Variants in PDE10A observed in about 807,000 individuals in gnomAD.
PDE10A encodes phosphodiesterase 10A, also known as cAMP and cAMP-inhibited cGMP 3',5'-cyclic phosphodiesterase 10A.
In PDE10A, 39 loss-of-function variants were observed where a neutral mutation model predicts 97.7. The ratio of observed to expected loss-of-function variants is 0.40; its 90% CI spans 0.31 to 0.52. The LOEUF (loss-of-function observed/expected upper bound fraction) is 0.52, where lower values mean the gene tolerates loss of function less well. Among genes scored for constraint, PDE10A ranks in the 20% least tolerant of loss-of-function variants. The pLI is 0.56. For missense variants in PDE10A, 731 were observed against 1,047.8 expected, an observed-to-expected ratio of 0.70 and a Z score of 4.17; for synonymous variants, 371 against 376.8, an observed-to-expected ratio of 0.98 and a Z score of 0.18.
chr6:165,874,350 TG>T (rs1781279157), intron 1 of PDE10A, among the ~76,000 whole-genome samples: 1 of 147,704 alleles, frequency 6.8e-6, no homozygotes, highest in Admixed American at 6.9e-5. Flanking sequence ...ACTCATATGG[TG>T]GAAGAGAACT....
At chr6:165,841,914 A>T (rs976062180) in intron 1 of PDE10A, among the ~76,000 whole-genome samples, 1 of 152,146 alleles carries the variant, frequency 6.6e-6, no homozygotes, top group Non-Finnish European at 1.5e-5. Flanking sequence ...TTTCATTTTT[A>T]TTGTGATTTT....
In PDE10A at chr6:165,872,718, C is replaced by T. The variant is rs955313703; in HGVS notation, c.-615+114811G>A. Among the ~76,000 whole-genome samples, 3 of 152,002 alleles carry T rather than the reference C, an allele frequency of 2.0e-5. No homozygotes were observed. In the South Asian group the frequency reaches 6.2e-4, roughly 32 times the overall value. On this transcript the variant is annotated intron_variant, in intron 1 of 19. Coordinates refer to the PDE10A transcript ENST00000366882. ...GCACTTTATTTCATATGGAAGATTTCACTAGGAAAGTGATGAGTGCAACTG... is the reference window on the plus strand; with the variant it reads ...GCACTTTATTTCATATGGAAGATTTTACTAGGAAAGTGATGAGTGCAACTG...
At chr6:165,943,234 AGAAGGAAGGAAGGAAG>A (rs1192602938) in intron 1 of PDE10A, among the ~76,000 whole-genome samples, 3 of 34,036 alleles carry the variant, frequency 8.8e-5, no homozygotes, top group African/African-American at 1.3e-4. Context: ...AAAGAAAGAA[AGAAGGAAGGAAGGAAG>A]GAAGGAAGGA....
intron 1 of PDE10A, among the ~76,000 whole-genome samples, chr6:165,913,185 T>C (rs1409242891): frequency 6.6e-6 from 1 of 152,114 alleles, no homozygotes; most frequent in African/African-American, 2.4e-5. Flanking sequence ...CATTTCATTA[T>C]GTATATGCAA....
intron 1 of PDE10A, among the ~76,000 whole-genome samples, chr6:165,796,229 G>C (rs560463338): frequency 1.3e-5 from 2 of 151,130 alleles, no homozygotes; most frequent in African/African-American, 4.9e-5. Context: ...CCAAGTAGCC[G>C]GGACTACAGG....
At chr6:165,814,667 A>T (rs976277866) in intron 1 of PDE10A, among the ~76,000 whole-genome samples, 1 of 152,212 alleles carries the variant, frequency 6.6e-6, no homozygotes, top group African/African-American at 2.4e-5. Context: ...ATATAGTCAC[A>T]TTCCTCAATT....
intron 1 of PDE10A, chr6:165,894,179 A>G (rs1781878172): frequency 5.2e-6 from 2 of 384,994 alleles, no homozygotes; most frequent in African/African-American, 4.2e-5. Flanking sequence ...TAGGAACTAC[A>G]TTCCCAAAGA....
intron 1 of PDE10A, among the ~76,000 whole-genome samples, chr6:165,591,995 A>G (rs1357060127): frequency 1.3e-5 from 2 of 152,204 alleles, no homozygotes; most frequent in Non-Finnish European, 2.9e-5. Flanking sequence ...CATATATATG[A>G]TAAACTTAAA....
intron 1 of PDE10A, among the ~76,000 whole-genome samples, chr6:165,695,909 G>C (rs1185340507): frequency 6.6e-6 from 1 of 152,144 alleles, no homozygotes; most frequent in African/African-American, 2.4e-5. Flanking sequence ...TGCAATTTAT[G>C]CTCCAGGGCA....
intron 1 of PDE10A, among the ~76,000 whole-genome samples, chr6:165,788,437 A>C (rs1191780260): frequency 2.0e-5 from 3 of 147,982 alleles, no homozygotes; most frequent in African/African-American, 7.6e-5. Context: ...TAATCGCTTG[A>C]ACCCAGGAGG....
At chr6:165,538,513 T>C (rs1783233985) in intron 2 of PDE10A, among the ~76,000 whole-genome samples, 1 of 152,184 alleles carries the variant, frequency 6.6e-6, no homozygotes, top group Admixed American at 6.5e-5. Context: ...CAATTACATT[T>C]GAGGTTTTTA....
At chr6:165,581,133 T>C (rs970576318) in intron 1 of PDE10A, among the ~76,000 whole-genome samples, 1 of 152,272 alleles carries the variant, frequency 6.6e-6, no homozygotes, top group South Asian at 2.1e-4. Flanking sequence ...GTTTCAATTC[T>C]AACTTTACCA....
upstream of PDE10A, among the ~76,000 whole-genome samples, chr6:165,663,474 C>T (rs1790400983): frequency 6.6e-6 from 1 of 152,212 alleles, no homozygotes; most frequent in African/African-American, 2.4e-5. Context: ...TGCAGCTGCT[C>T]CAGCTGTGCG....
chr6:165,332,949 C>T lies in PDE10A; in HGVS notation c.*76G>A. Reference sequence around the variant, plus strand: ...CAGGTGCAGGTTCCCCCCACCCCCCCCAAAAAAAGGAAAAGAATGTCAAAG... The same window carrying T: ...CAGGTGCAGGTTCCCCCCACCCCCCTCAAAAAAAGGAAAAGAATGTCAAAG... On this transcript the variant is annotated 3_prime_UTR_variant, in exon 22 of 22. Coordinates refer to ENST00000539869, the MANE Select transcript of PDE10A (RefSeq NM_001385079.1). 2 of 699,072 alleles carry T rather than the reference C, an allele frequency of 2.9e-6. No individual in the cohort carries two copies. Among genetic ancestry groups the T allele is most frequent in the South Asian group, 2.8e-5 (2 of 70,394 alleles). 43.3% of individuals were successfully genotyped at this position (699,072 alleles called of 1,614,324 possible). A position where few individuals can be genotyped will look rare whatever the true frequency, so the allele number is the denominator to read the frequency against.
intron 3 of PDE10A, among the ~76,000 whole-genome samples, chr6:165,458,157 G>A (rs1306178554): frequency 6.6e-6 from 1 of 151,830 alleles, no homozygotes; most frequent in African/African-American, 2.4e-5. Context: ...TGTTTATAAT[G>A]TTTTATTTTG....
chr6:165,794,484 T>TAC (rs568072543), intron 1 of PDE10A, among the ~76,000 whole-genome samples: 161 of 149,444 alleles, frequency 1.1e-3, no homozygotes, highest in African/African-American at 3.7e-3. Flanking sequence ...ACACACTCAT[T>TAC]ACACACACTA....
At chr6:165,558,501 T>C (rs916641083) in intron 1 of PDE10A, among the ~76,000 whole-genome samples, 1 of 152,118 alleles carries the variant, frequency 6.6e-6, no homozygotes, top group Non-Finnish European at 1.5e-5. Context: ...ATATACAGAC[T>C]TGAAACAAAG....
intron 1 of PDE10A, among the ~76,000 whole-genome samples, chr6:165,970,589 T>C (rs569876459): frequency 3.9e-4 from 60 of 152,292 alleles, no homozygotes; most frequent in African/African-American, 1.4e-3. Context: ...AATGACTCCA[T>C]TTATAAGTTC....
chr6:165,678,179 C>CTGTGTGTGTTTGTGTGTTTATATGT (rs1790865182), intron 1 of PDE10A, among the ~76,000 whole-genome samples: 1 of 3,136 alleles, frequency 3.2e-4, no homozygotes, highest in African/African-American at 1.3e-3. Context: ...ATGTGTGTGT[C>CTGTGTGTGTTTGTGTGTTTATATGT]CATGTGTGTC....
Sources: gnomAD v4.1 joint callset for allele counts (sites outside exome capture counted in the v4.1 genomes callset) on GRCh38, gnomAD v4.1.1 for gene constraint, MANE v1.5 for transcripts, NCBI Gene and HGNC (gene_info 2026-07-23, HGNC 2026-07-21) for gene names.